CNOT2: variants seen among roughly 807,000 people sequenced by gnomAD.
CNOT2 encodes CC chemokine receptor 4-negative regulator of transcription 2.
In CNOT2, 7 loss-of-function variants were observed where a neutral mutation model predicts 72.1. That is an observed-to-expected ratio of 0.10 (90% CI 0.06 to 0.18). CNOT2 has a LOEUF of 0.18. Ranked by LOEUF, CNOT2 falls within the 10% of genes least tolerant of loss-of-function variation. The pLI is 1.00. For synonymous variants in CNOT2, 196 were observed against 225.6 expected, an observed-to-expected ratio of 0.87 and a Z score of 1.17; for missense variants, 345 against 660.3, an observed-to-expected ratio of 0.52 and a Z score of 5.23.
At chr12:70,267,429 T>A (rs1212703305) in intron 1 of CNOT2, among the ~76,000 whole-genome samples, 2 of 152,356 alleles carry the variant, frequency 1.3e-5, no homozygotes, top group East Asian at 3.9e-4. Flanking sequence ...TCCTTTCTTT[T>A]GTGAAGACAC....
chr12:70,288,753 G>A (rs1030060403), intron 2 of CNOT2, among the ~76,000 whole-genome samples: 3 of 152,036 alleles, frequency 2.0e-5, no homozygotes, highest in Admixed American at 6.6e-5. Flanking sequence ...GGGCATTCTG[G>A]GTTCTTAGTT....
chr12:70,243,082 A>C (rs1592998024), upstream of CNOT2: 1 of 152,108 alleles, frequency 6.6e-6, no homozygotes, highest in Admixed American at 6.6e-5. Flanking sequence ...TCGCCCCTGG[A>C]CCCCGCAGTC....
intron 1 of CNOT2, among the ~76,000 whole-genome samples, chr12:70,253,844 T>C (rs1157996672): frequency 6.6e-6 from 1 of 152,188 alleles, no homozygotes; most frequent in Non-Finnish European, 1.5e-5. Flanking sequence ...AAACTACAGA[T>C]AGCACTGAAC....
intron 2 of CNOT2, among the ~76,000 whole-genome samples, chr12:70,284,256 T>C (rs1300789218): frequency 6.6e-6 from 1 of 151,258 alleles, no homozygotes; most frequent in African/African-American, 2.4e-5. Context: ...TTTTTTTTTT[T>C]CTTTTTGAGA....
intron 1 of CNOT2, among the ~76,000 whole-genome samples, chr12:70,270,343 C>T (rs888750538): frequency 6.6e-6 from 1 of 152,076 alleles, no homozygotes; most frequent in African/African-American, 2.4e-5. Context: ...TTTGTCTGCA[C>T]TGCCTGAAAA....
chr12:70,294,065 T>G, intron 2 of CNOT2: 2 of 1,244,694 alleles, frequency 1.6e-6, no homozygotes, highest in Non-Finnish European at 2.1e-6. Context: ...TCCTTATTTT[T>G]CAAAGAGCGG....
At chr12:70,343,477 CTATT>C (rs1377255811) in intron 13 of CNOT2, among the ~76,000 whole-genome samples, 1 of 152,112 alleles carries the variant, frequency 6.6e-6, no homozygotes, top group Non-Finnish European at 1.5e-5. Context: ...TTTCAGACAT[CTATT>C]TAAACAAACT....
chr12:70,294,111 TTC>T (rs1363802449), intron 2 of CNOT2: 1 of 1,288,408 alleles, frequency 7.8e-7, no homozygotes, highest in East Asian at 5.6e-5. Context: ...TGGTTGGACT[TTC>T]TTACTGTTTG....
chr12:70,324,941 G>T (rs1004404593), intron 4 of CNOT2, among the ~76,000 whole-genome samples: 4 of 151,714 alleles, frequency 2.6e-5, no homozygotes, highest in Admixed American at 2.6e-4. Context: ...ACTATCTTCT[G>T]TCTCCTCCAG....
intron 3 of CNOT2, among the ~76,000 whole-genome samples, chr12:70,315,406 G>T (rs535413621): frequency 3.3e-5 from 5 of 152,026 alleles, no homozygotes; most frequent in African/African-American, 1.2e-4. Context: ...TTTTGTCCTG[G>T]AATAATAACA....
At chr12:70,253,977 G>A (rs1254490561) in intron 1 of CNOT2, among the ~76,000 whole-genome samples, 2 of 152,074 alleles carry the variant, frequency 1.3e-5, no homozygotes, top group Non-Finnish European at 2.9e-5. Context: ...AGTGGCTCAC[G>A]CCTGTAGTCC....
Position 70,307,358 on chromosome 12 carries a change from T to C in CNOT2, c.49-3537T>C, listed in dbSNP as rs548132093. On this transcript the variant is annotated intron_variant, in intron 2 of 15. Transcript: ENST00000229195. ...CCCTTATATTCATACTTAGCTTTTTTCTATTTGAATTTTTTTGTTTTTTTA... is the reference window on the plus strand; with the variant it reads ...CCCTTATATTCATACTTAGCTTTTTCCTATTTGAATTTTTTTGTTTTTTTA... Among the ~76,000 whole-genome samples, 8 of 152,326 alleles carry C rather than the reference T, an allele frequency of 5.3e-5. 1 individual carries two copies. The East Asian group carries it at 1.3e-3, about 26-fold the overall frequency.
At chr12:70,251,543 A>AG (rs911029185) in intron 1 of CNOT2, among the ~76,000 whole-genome samples, 4 of 151,818 alleles carry the variant, frequency 2.6e-5, no homozygotes, top group Non-Finnish European at 4.4e-5. Flanking sequence ...AACCATTAGG[A>AG]GGGGAAAAAA....
At chr12:70,280,344 A>G (rs1446558140) in intron 2 of CNOT2, among the ~76,000 whole-genome samples, 1 of 152,300 alleles carries the variant, frequency 6.6e-6, no homozygotes, top group South Asian at 2.1e-4. Flanking sequence ...AATGTTCCAT[A>G]GCAGAGTAGG....
chr12:70,311,111 G>T, intron 3 of CNOT2, 94 bp downstream of exon 3: 1 of 833,308 alleles, frequency 1.2e-6, no homozygotes, highest in East Asian at 2.5e-5. Flanking sequence ...TACTGTCTGT[G>T]GTTGAGTGAC....
intron 8 of CNOT2, chr12:70,336,063 T>A (rs11178191): frequency 0.06 from 9,138 of 152,726 alleles, 436 homozygotes; most frequent in East Asian, 0.21. Flanking sequence ...TTATACAGAA[T>A]GTTAAGCAAT....
rs1040662032 is a variant in CNOT2, at chr12:70,354,205, A to G, written c.*290A>G. ...AGACAGACTTGAGTCTGTAAAGACA[A>G]GCAAATACACTGACAGAAGTTTACC... On this transcript the variant is annotated 3_prime_UTR_variant, in exon 16 of 16. Coordinates refer to ENST00000229195, the MANE Select transcript of CNOT2 (RefSeq NM_014515.7). The G allele has an allele frequency of 2.7e-6, 1 of 376,568 alleles. No homozygotes were observed. The allele number at this position is 376,568 out of a possible 1,614,324, so 23.3% of individuals were successfully genotyped here. A position where few individuals can be genotyped will look rare whatever the true frequency, so the allele number is the denominator to read the frequency against.
intron 2 of CNOT2, chr12:70,290,651 C>CTG (rs1344959719): frequency 1.5e-5 from 1 of 67,648 alleles, no homozygotes; most frequent in African/African-American, 9.9e-5. Flanking sequence ...TACCACACTA[C>CTG]TCTCTCGGTT....
intron 2 of CNOT2, among the ~76,000 whole-genome samples, chr12:70,282,332 G>T (rs17107929): frequency 6.6e-6 from 1 of 152,008 alleles, no homozygotes; most frequent in African/African-American, 2.4e-5. Context: ...TATTCCGTAC[G>T]TTTCTGAAGA....
Sources: allele counts gnomAD v4.1 joint callset (sites outside exome capture counted in the v4.1 genomes callset), GRCh38; gene constraint gnomAD v4.1.1; transcripts MANE v1.5; gene names NCBI Gene and HGNC (gene_info 2026-07-23, HGNC 2026-07-21).